The following DLG2 variants were observed in gnomAD, a reference collection of about 807,000 sequenced individuals.
DLG2 encodes disks large homolog 2.
Under a neutral mutation model 132.5 loss-of-function variants are expected in DLG2, and 45 were observed. The ratio of observed to expected loss-of-function variants is 0.34; its 90% CI spans 0.27 to 0.44. The LOEUF is 0.44. DLG2 is among the 20% of genes least tolerant of loss of function. DLG2 has a pLI of 1.00. For synonymous variants in DLG2, 424 were observed against 419.6 expected (o/e 1.01, Z -0.13); for missense variants, 1,045 against 1,196.9 (o/e 0.87, Z 1.87).
intron 6 of DLG2, among the ~76,000 whole-genome samples, chr11:84,958,721 A>G (rs1332812086): frequency 6.6e-6 from 1 of 152,176 alleles, no homozygotes; most frequent in Non-Finnish European, 1.5e-5. Flanking sequence ...GTCCAATCCA[A>G]GCATCATTAA....
chr11:84,168,346 C>T lies in DLG2; in HGVS notation c.574-4835G>A, dbSNP rs539390794. 1.4e-4 allele frequency among the ~76,000 whole-genome samples: 22 copies of T among 152,296 alleles called. No homozygotes were observed. The East Asian group carries it at 3.5e-3, about 24-fold the overall frequency. ...AGTCAGTAGTAGAGAATATGACAGA[C>T]GATGTTCTAATCCTTCTCCTTATTA... On this transcript the variant is annotated intron_variant, in intron 8 of 27. Transcript: ENST00000376104.
intron 3 of DLG2, among the ~76,000 whole-genome samples, chr11:85,475,670 A>G (rs1024591706): frequency 2.6e-5 from 4 of 152,106 alleles, no homozygotes; most frequent in Non-Finnish European, 4.4e-5. Flanking sequence ...GCATCTATAA[A>G]TTTATTTATT....
chr11:84,811,395 A>G (rs2076542615), intron 6 of DLG2, among the ~76,000 whole-genome samples: 1 of 152,174 alleles, frequency 6.6e-6, no homozygotes, highest in South Asian at 2.1e-4. Flanking sequence ...AAGGACCTCA[A>G]GTGAGTTTAG....
intron 6 of DLG2, among the ~76,000 whole-genome samples, chr11:84,572,455 AC>A (rs1314416990): frequency 1.3e-5 from 2 of 152,094 alleles, no homozygotes; most frequent in African/African-American, 4.8e-5. Flanking sequence ...CTCCTGAAGA[AC>A]AAGAGAATAT....
chr11:84,944,287 T>A (rs972251241), intron 6 of DLG2, among the ~76,000 whole-genome samples: 1 of 152,162 alleles, frequency 6.6e-6, no homozygotes, highest in Non-Finnish European at 1.5e-5. Flanking sequence ...ATTTGGGAAG[T>A]TCTCTGTTAT....
At chr11:84,076,446 G>A (rs943975503) in intron 10 of DLG2, among the ~76,000 whole-genome samples, 8 of 151,974 alleles carry the variant, frequency 5.3e-5, no homozygotes, top group Admixed American at 1.3e-4. Flanking sequence ...CAAGACCTAC[G>A]CCACGCGATT....
At chr11:85,545,937 A>G (rs2076292941) in intron 3 of DLG2, among the ~76,000 whole-genome samples, 1 of 152,032 alleles carries the variant, frequency 6.6e-6, no homozygotes, top group Non-Finnish European at 1.5e-5. Flanking sequence ...TTTTCAAAAA[A>G]CCAGCTCCTG....
intron 15 of DLG2, among the ~76,000 whole-genome samples, chr11:83,918,893 C>T (rs1381499585): frequency 2.0e-5 from 3 of 152,148 alleles, no homozygotes; most frequent in Non-Finnish European, 4.4e-5. Context: ...CTTGCCTCTG[C>T]CAGACACTGC....
At chr11:83,507,791 T>C (rs2094805570) in intron 21 of DLG2, among the ~76,000 whole-genome samples, 1 of 112,784 alleles carries the variant, frequency 8.9e-6, no homozygotes, top group Non-Finnish European at 1.9e-5. Context: ...TATATATATA[T>C]ATATATATGT....
chr11:84,417,781 A>G (rs891294906), intron 7 of DLG2, among the ~76,000 whole-genome samples: 4 of 151,950 alleles, frequency 2.6e-5, no homozygotes, highest in Admixed American at 6.6e-5. Context: ...CCACCATTTT[A>G]TGTATTATTT....
chr11:84,130,528 ATG>A (rs1226804225), intron 9 of DLG2, among the ~76,000 whole-genome samples: 7 of 136,148 alleles, frequency 5.1e-5, no homozygotes, highest in South Asian at 2.2e-4. Flanking sequence ...ACACACATAT[ATG>A]TGTGTGTGTA....
At position 83,786,734 on chromosome 11, in the gene DLG2, C is replaced by A; in HGVS notation, c.1781G>T (p.Gly594Val). 1 of 1,614,124 alleles carries A rather than the reference C, an allele frequency of 6.2e-7. No homozygotes were observed. Among genetic ancestry groups the A allele is most frequent in the South Asian group, 1.1e-5 (1 of 91,076 alleles). Residue 594 changes from glycine to valine, a missense_variant, in exon 18 of 28, where the codon GGG becomes GTG. Around this residue, in one of 4 missense-constraint regions of DLG2, gnomAD observed 398 missense variants for 543.6 expected, o/e 0.73. Coordinates refer to ENST00000376104, the MANE Select transcript of DLG2 (RefSeq NM_001142699.3). ...SHEQAAAALK[G>V]AGQTVTIIAQ... The stretch of plus-strand genomic sequence containing the variant: ...TATAATCGTCACTGTCTGTCCAGCC[C>A]CCTTTAGTGCAGCAGCTGCCTGCTC...
intron 3 of DLG2, among the ~76,000 whole-genome samples, chr11:85,308,132 T>G (rs2080072906): frequency 2.9e-5 from 4 of 138,996 alleles, no homozygotes; most frequent in Admixed American, 1.4e-4. Context: ...CCAGCCTGGG[T>G]GACAGAGCGA....
chr11:84,424,944 A>G (rs7125618), intron 7 of DLG2, among the ~76,000 whole-genome samples: 1 of 152,114 alleles, frequency 6.6e-6, no homozygotes, highest in South Asian at 2.1e-4. Flanking sequence ...AGAGGGAAAA[A>G]CTGGCATATT....
At chr11:85,273,836 CAA>C (rs2152740936) in intron 4 of DLG2, among the ~76,000 whole-genome samples, 1 of 152,266 alleles carries the variant, frequency 6.6e-6, no homozygotes, top group African/African-American at 2.4e-5. Context: ...CTCACAATAT[CAA>C]AGACTTGGAA....
At chr11:84,151,143 C>G (rs749693792) in intron 9 of DLG2, among the ~76,000 whole-genome samples, 12 of 150,974 alleles carry the variant, frequency 7.9e-5, no homozygotes, top group Non-Finnish European at 1.3e-4. Flanking sequence ...AGGGAGGGGT[C>G]CCTAACCCTA....
rs147435706 is a variant in DLG2, at chr11:85,163,214, CACACACACAG to C, written c.187-8573_187-8564del. 6.5e-3 allele frequency among the ~76,000 whole-genome samples: 975 copies of C among 150,658 alleles called. 5 individuals are homozygous for C. The highest frequency in any genetic ancestry group is 0.021 in the African/African-American group (852 of 40,708). On this transcript the variant is annotated intron_variant, in intron 4 of 27. Coordinates refer to ENST00000376104, the MANE Select transcript of DLG2 (RefSeq NM_001142699.3). ...CTCCCCTTTATATATATTACACACACACACACACAGACACACACACACACACACACTATTA... is the reference window on the plus strand; with the variant it reads ...CTCCCCTTTATATATATTACACACACACACACACACACACACACACTATTA...
chr11:84,157,285 C>T (rs2095447195), intron 9 of DLG2, among the ~76,000 whole-genome samples: 1 of 151,978 alleles, frequency 6.6e-6, no homozygotes, highest in African/African-American at 2.4e-5. Context: ...ACAAAGGTAC[C>T]ACCCAAGCAT....
chr11:84,332,098 T>A (rs149701785), intron 7 of DLG2, among the ~76,000 whole-genome samples: 73 of 152,326 alleles, frequency 4.8e-4, no homozygotes, highest in African/African-American at 1.5e-3. Context: ...TATGTGCAAT[T>A]TCCTAAACAA....
Sources: allele counts gnomAD v4.1 joint callset (sites outside exome capture counted in the v4.1 genomes callset), GRCh38; gene constraint gnomAD v4.1.1; regional missense constraint gnomAD v4.1.1; transcripts MANE v1.5; gene names NCBI Gene and HGNC (gene_info 2026-07-23, HGNC 2026-07-21).